The following PSD3 variants were observed in gnomAD, a reference collection of about 807,000 sequenced individuals.
PSD3 encodes pleckstrin and Sec7 domain containing 3, also known as PH and SEC7 domain-containing protein 3.
Under a neutral mutation model 105.5 loss-of-function variants are expected in PSD3, and 49 were observed. That is an observed-to-expected ratio of 0.46 (90% CI 0.37 to 0.59). The LOEUF (loss-of-function observed/expected upper bound fraction) is 0.59. Ranked by LOEUF, PSD3 falls within the 20% of genes least tolerant of loss-of-function variation. The pLI is 0.00. For missense variants in PSD3, 1,561 were observed against 1,263.8 expected, an observed-to-expected ratio of 1.24 and a Z score of -3.57; for synonymous variants, 557 against 457.8, an observed-to-expected ratio of 1.22 and a Z score of -2.77.
At chr8:18,805,373 C>CCATTTCTACATTTCTA (rs1464037925) in intron 4 of PSD3, among the ~76,000 whole-genome samples, 4 of 152,010 alleles carry the variant, frequency 2.6e-5, no homozygotes, top group African/African-American at 9.7e-5. Context: ...ATTCTAAGAG[C>CCATTTCTACATTTCTA]CATTTCTACA....
intron 9 of PSD3, among the ~76,000 whole-genome samples, chr8:18,663,864 C>A (rs182461883): frequency 6.6e-6 from 1 of 152,306 alleles, no homozygotes; most frequent in East Asian, 1.9e-4. Flanking sequence ...CTGTCAGTGA[C>A]ATTTTTTTCC....
chr8:18,806,787 T>C (rs1157239696), intron 4 of PSD3, among the ~76,000 whole-genome samples: 1 of 152,166 alleles, frequency 6.6e-6, no homozygotes. Flanking sequence ...TTAAGCACAA[T>C]AACCATTTAC....
At chr8:18,881,649 TTCC>T (rs150133747) in intron 2 of PSD3, among the ~76,000 whole-genome samples, 1,847 of 152,286 alleles carry the variant, frequency 0.012, 50 homozygotes, top group African/African-American at 0.041. Context: ...TATGCCTAGG[TTCC>T]TCAGGAGAGC....
At position 19,023,491 on chromosome 8, in the gene PSD3, C is replaced by T. The variant is rs540964130; in HGVS notation, c.324+60715G>A. On this transcript the variant is annotated intron_variant, in intron 1 of 1. Coordinates refer to the PSD3 transcript ENST00000521475. ...TCACCCAGGCTGTAGGGCTGTGGTG[C>T]AGTCATAGATCACTGCAGCCTTGAC... Among the ~76,000 whole-genome samples the T allele has an allele frequency of 2.0e-4, 30 of 151,978 alleles. No individual in the cohort carries two copies. The East Asian group carries it at 4.5e-3, about 23-fold the overall frequency.
rs374081620 is a variant in PSD3, at chr8:18,535,848, C to T, written c.3039G>A (p.Ser1013=). Residue 1013 remains serine (S), a synonymous_variant, in exon 16 of 16, where the codon TCG becomes TCA. Coordinates refer to ENST00000327040, the MANE Select transcript of PSD3 (RefSeq NM_015310.4). ...AGLKKSHSSP[S]LNPDTSPITA... ...TGATTGGAGAAGTATCCGGGTTCAG[C>T]GAAGGACTCGAGTGCGACTTCTTCA... is the stretch of plus-strand genomic sequence containing the variant. 18 of 1,613,954 alleles carry T rather than the reference C, an allele frequency of 1.1e-5. No individual in the cohort carries two copies. Among genetic ancestry groups the T allele is most frequent in the African/African-American group, 4.0e-5 (3 of 74,900 alleles).
chr8:18,650,435 T>C (rs755945168), intron 10 of PSD3, among the ~76,000 whole-genome samples: 6 of 152,222 alleles, frequency 3.9e-5, no homozygotes, highest in Non-Finnish European at 8.8e-5. Context: ...AACAAATAGA[T>C]GCTTCACTAA....
intron 4 of PSD3, among the ~76,000 whole-genome samples, chr8:18,833,040 T>C (rs1586167160): frequency 1.3e-5 from 2 of 152,292 alleles, no homozygotes; most frequent in South Asian, 2.1e-4. Flanking sequence ...GAGATGATTT[T>C]TAAAAAGCAA....
chr8:18,754,340 C>T (rs1041025584), intron 9 of PSD3, among the ~76,000 whole-genome samples: 10 of 152,096 alleles, frequency 6.6e-5, no homozygotes, highest in African/African-American at 1.9e-4. Context: ...GCTGAGATCA[C>T]GCCACTGCAT....
chr8:18,683,470 A>C (rs1473271364), intron 9 of PSD3, among the ~76,000 whole-genome samples: 2 of 152,242 alleles, frequency 1.3e-5, no homozygotes, highest in East Asian at 1.9e-4. Context: ...AACCTTTCTG[A>C]GACCAAAAAC....
chr8:18,799,245 G>A, intron 8 of PSD3, 50 bp downstream of exon 8: 1 of 1,474,036 alleles, frequency 6.8e-7, no homozygotes. Context: ...CATAAAAGCA[G>A]AGATAAGCCC....
chr8:18,828,648 A>G (rs186472937), intron 4 of PSD3, among the ~76,000 whole-genome samples: 2 of 152,034 alleles, frequency 1.3e-5, no homozygotes, highest in East Asian at 1.9e-4. Flanking sequence ...CAATCAATCA[A>G]TCAATACAAA....
chr8:18,556,183 T>A (rs763964988), intron 15 of PSD3, 26 bp downstream of exon 15: 2 of 1,610,464 alleles, frequency 1.2e-6, no homozygotes, highest in Non-Finnish European at 8.5e-7. Context: ...GAAATCAGCA[T>A]TTACTAACAT....
rs189045964 is a variant in PSD3, at chr8:18,824,613, C to T, written c.1635-19715G>A. Reference sequence around the variant, plus strand: ...ATAGAAATAGAAAAATTAAATTCTGCGCAATTCCCAGAATAAATTCAGGGG... The same window carrying T: ...ATAGAAATAGAAAAATTAAATTCTGTGCAATTCCCAGAATAAATTCAGGGG... On this transcript the variant is annotated intron_variant, in intron 4 of 15. Transcript: ENST00000327040. Among the ~76,000 whole-genome samples the T allele has an allele frequency of 1.4e-4, 21 of 152,296 alleles. No individual in the cohort carries two copies. In the East Asian group the frequency reaches 3.1e-3, roughly 22 times the overall value.
chr8:18,969,116 A>C (rs1488659544), intron 1 of PSD3, among the ~76,000 whole-genome samples: 1 of 152,162 alleles, frequency 6.6e-6, no homozygotes, highest in East Asian at 1.9e-4. Flanking sequence ...AAACATATTA[A>C]CTTAATAAAC....
chr8:18,842,391 T>C (rs1229311114), intron 4 of PSD3, among the ~76,000 whole-genome samples: 1 of 152,228 alleles, frequency 6.6e-6, no homozygotes, highest in African/African-American at 2.4e-5. Context: ...CAATTTTGGT[T>C]CTCTTTGAGA....
intron 15 of PSD3, 53 bp downstream of exon 15, chr8:18,556,156 G>C: frequency 1.3e-6 from 2 of 1,596,514 alleles, no homozygotes; most frequent in Non-Finnish European, 1.7e-6. Context: ...CTCATGGACA[G>C]ATCATAAGAA....
intron 14 of PSD3, among the ~76,000 whole-genome samples, chr8:18,559,177 T>C (rs903826771): frequency 3.9e-5 from 6 of 152,214 alleles, no homozygotes; most frequent in African/African-American, 1.2e-4. Context: ...TTTTAGAATA[T>C]GCGCATCTTT....
chr8:18,564,189 T>C (rs1323103354), intron 14 of PSD3, among the ~76,000 whole-genome samples: 3 of 152,158 alleles, frequency 2.0e-5, no homozygotes, highest in East Asian at 3.8e-4. Flanking sequence ...GTGGAAAATG[T>C]AGTTTATTTT....
At chr8:18,687,652 G>A (rs1240789332) in intron 9 of PSD3, among the ~76,000 whole-genome samples, 2 of 152,136 alleles carry the variant, frequency 1.3e-5, no homozygotes, top group Non-Finnish European at 2.9e-5. Flanking sequence ...TCCTTCCAGA[G>A]ATAATAAGCC....
Sources: gnomAD v4.1 joint callset for allele counts (sites outside exome capture counted in the v4.1 genomes callset) on GRCh38, gnomAD v4.1.1 for gene constraint, MANE v1.5 for transcripts, NCBI Gene and HGNC (gene_info 2026-07-23, HGNC 2026-07-21) for gene names.